Variants in SLC9A9 observed in about 807,000 individuals in gnomAD.
SLC9A9 encodes solute carrier family 9 member A9, also known as sodium/hydrogen exchanger 9.
In SLC9A9, 62 loss-of-function variants were observed where a neutral mutation model predicts 77.8. That is an observed-to-expected ratio of 0.80 (90% CI 0.65 to 0.98). The LOEUF is 0.98. SLC9A9 is among the 50% of genes least tolerant of loss of function. SLC9A9 has a pLI of 0.00. For missense variants in SLC9A9, 775 were observed against 774.9 expected (o/e 1.00, Z 0.00); for synonymous variants, 320 against 283.5 (o/e 1.13, Z -1.29).
chr3:143,566,518 C>T (rs2037172133), intron 8 of SLC9A9, among the ~76,000 whole-genome samples: 1 of 151,978 alleles, frequency 6.6e-6, no homozygotes. Flanking sequence ...TTAGAAAGCC[C>T]AGCCCCATTA....
At chr3:143,390,381 CTG>C (rs2033530337) in intron 12 of SLC9A9, among the ~76,000 whole-genome samples, 1 of 152,356 alleles carries the variant, frequency 6.6e-6, no homozygotes, top group East Asian at 1.9e-4. Context: ...GGGCAGGAAA[CTG>C]TACCTCGGTT....
intron 6 of SLC9A9, among the ~76,000 whole-genome samples, chr3:143,620,299 T>C (rs751411939): frequency 6.6e-6 from 1 of 152,198 alleles, no homozygotes; most frequent in Non-Finnish European, 1.5e-5. Context: ...CATCTATTAA[T>C]AGGATAAGAA....
intron 14 of SLC9A9, among the ~76,000 whole-genome samples, chr3:143,335,621 G>A (rs182070502): frequency 3.2e-4 from 48 of 152,244 alleles, no homozygotes; most frequent in African/African-American, 1.2e-3. Flanking sequence ...GCTCTTGTAT[G>A]AGCAAATGAT....
intron 2 of SLC9A9, among the ~76,000 whole-genome samples, chr3:143,799,992 A>G (rs757834800): frequency 2.6e-4 from 40 of 152,054 alleles, no homozygotes; most frequent in Non-Finnish European, 5.1e-4. Flanking sequence ...AACTTAGACA[A>G]TACTCTTTTA....
At chr3:143,834,190 T>C (rs982641768) in intron 1 of SLC9A9, among the ~76,000 whole-genome samples, 4 of 152,190 alleles carry the variant, frequency 2.6e-5, no homozygotes, top group Non-Finnish European at 5.9e-5. Flanking sequence ...AGAAAAATTG[T>C]ATCCAAATCT....
intron 6 of SLC9A9, among the ~76,000 whole-genome samples, chr3:143,585,163 A>G (rs1411793363): frequency 6.6e-6 from 1 of 152,034 alleles, no homozygotes; most frequent in Non-Finnish European, 1.5e-5. Flanking sequence ...CTTCCAGCCT[A>G]TTTCCTTGGG....
intron 2 of SLC9A9, among the ~76,000 whole-genome samples, chr3:143,801,898 C>T (rs1208738236): frequency 6.6e-6 from 1 of 152,178 alleles, no homozygotes; most frequent in Non-Finnish European, 1.5e-5. Flanking sequence ...GGTTTCCTCA[C>T]TACACAAGAG....
intron 14 of SLC9A9, among the ~76,000 whole-genome samples, chr3:143,310,490 G>T (rs766073155): frequency 6.6e-6 from 1 of 150,514 alleles, no homozygotes; most frequent in African/African-American, 2.5e-5. Flanking sequence ...TGCAGGCGTG[G>T]TGTGGCCTTT....
intron 5 of SLC9A9, among the ~76,000 whole-genome samples, chr3:143,667,279 T>C (rs1320943939): frequency 6.6e-6 from 1 of 152,200 alleles, no homozygotes; most frequent in Non-Finnish European, 1.5e-5. Context: ...GCTAGCCATA[T>C]GTAGAAAGCT....
Position 143,468,916 on chromosome 3 carries a change from CT to C in SLC9A9, c.1316-1727del, listed in dbSNP as rs372480637. 2.2e-3 allele frequency among the ~76,000 whole-genome samples: 338 copies of C among 152,274 alleles called. 1 individual carries two copies. The highest frequency in any genetic ancestry group is 7.6e-3 in the African/African-American group (317 of 41,556). ...GTGGTTCACGCCTGTAATCCCAGCA[CT>C]TCGGGAGGCCGAGGTGGGCAGATCA... is the stretch of plus-strand genomic sequence containing the variant. On this transcript the variant is annotated intron_variant, in intron 11 of 15. Transcript: ENST00000316549.
intron 4 of SLC9A9, among the ~76,000 whole-genome samples, chr3:143,732,419 C>T (rs1934828060): frequency 6.6e-6 from 1 of 152,196 alleles, no homozygotes; most frequent in Admixed American, 6.5e-5. Flanking sequence ...CCTTTCCTCA[C>T]ATGTCAGAGA....
intron 4 of SLC9A9, among the ~76,000 whole-genome samples, chr3:143,725,205 A>G (rs971044104): frequency 6.6e-6 from 1 of 152,220 alleles, no homozygotes; most frequent in Admixed American, 6.5e-5. Context: ...CACACCAGTT[A>G]GAATGGCAAT....
intron 2 of SLC9A9, among the ~76,000 whole-genome samples, chr3:143,806,108 CCA>C (rs58491241): frequency 6.6e-6 from 1 of 151,188 alleles, no homozygotes; most frequent in African/African-American, 2.4e-5. Context: ...CGTCCCCCAC[CCA>C]CACACACAGG....
intron 4 of SLC9A9, among the ~76,000 whole-genome samples, chr3:143,762,602 C>G (rs2007170695): frequency 1.3e-5 from 2 of 152,146 alleles, no homozygotes; most frequent in Admixed American, 6.6e-5. Context: ...TTGAGGGAGA[C>G]AGAGGCAATA....
chr3:143,654,186 A>G (rs2038848199), intron 5 of SLC9A9, among the ~76,000 whole-genome samples: 1 of 152,236 alleles, frequency 6.6e-6, no homozygotes, highest in Non-Finnish European at 1.5e-5. Flanking sequence ...TATATTAATA[A>G]GCCTGATTTA....
intron 14 of SLC9A9, among the ~76,000 whole-genome samples, chr3:143,295,455 G>A (rs918362569): frequency 1.3e-5 from 2 of 152,144 alleles, no homozygotes; most frequent in African/African-American, 4.8e-5. Flanking sequence ...TTGGGCTAGC[G>A]CATTAACCAC....
intron 6 of SLC9A9, among the ~76,000 whole-genome samples, chr3:143,645,525 T>C (rs191981194): frequency 6.0e-4 from 91 of 152,320 alleles, no homozygotes; most frequent in Non-Finnish European, 1.1e-3. Flanking sequence ...AGTACATTTC[T>C]CTTGAACGGT....
At chr3:143,282,979 C>A (rs2108408540) in intron 14 of SLC9A9, among the ~76,000 whole-genome samples, 1 of 152,308 alleles carries the variant, frequency 6.6e-6, no homozygotes, top group East Asian at 1.9e-4. Context: ...TTTCCACAGA[C>A]CTTTCTGTTT....
rs1480016828 is a variant in SLC9A9, at chr3:143,727,811, C to T, written c.534-34504G>A. 6.6e-5 allele frequency among the ~76,000 whole-genome samples: 10 copies of T among 152,316 alleles called. No homozygotes were observed. The East Asian group carries it at 1.7e-3, about 26-fold the overall frequency. ...TACTTGGGCTATTACTTTTGCTCAC[C>T]ACTGTAGAATCTGCTACTACTGCAT... is the stretch of plus-strand genomic sequence containing the variant. On this transcript the variant is annotated intron_variant, in intron 4 of 15. Coordinates refer to ENST00000316549, the MANE Select transcript of SLC9A9 (RefSeq NM_173653.4).
Sources: gnomAD v4.1 joint callset for allele counts (sites outside exome capture counted in the v4.1 genomes callset) on GRCh38, gnomAD v4.1.1 for gene constraint, MANE v1.5 for transcripts, NCBI Gene and HGNC (gene_info 2026-07-23, HGNC 2026-07-21) for gene names.